MIOS: variants seen among roughly 807,000 people sequenced by gnomAD.
The protein encoded by MIOS is meiosis regulator for oocyte development.
MIOS carries 52 observed loss-of-function variants against 96.9 expected under a neutral mutation model. The observed-to-expected ratio is 0.54, with a 90% CI of 0.43 to 0.68. The LOEUF (loss-of-function observed/expected upper bound fraction) is 0.68, where lower values mean the gene tolerates loss of function less well. Among genes scored for constraint, MIOS ranks in the 30% least tolerant of loss-of-function variants. The probability of loss-of-function intolerance (pLI) is 0.00; values close to 1 mark genes in which losing one functional copy is unlikely to be tolerated. For synonymous variants in MIOS, 397 were observed against 359.5 expected (o/e 1.10, Z -1.18); for missense variants, 1,005 against 1,052.8 (o/e 0.95, Z 0.63).
chr7:7,584,869 A>G (rs1363547126), intron 6 of MIOS, among the ~76,000 whole-genome samples: 3 of 152,192 alleles, frequency 2.0e-5, no homozygotes, highest in Non-Finnish European at 4.4e-5. Context: ...ATGCATCTAA[A>G]CTGCTAAGAA....
intron 5 of MIOS, 134 bp downstream of exon 5, chr7:7,574,330 T>C: frequency 1.7e-6 from 1 of 590,454 alleles, no homozygotes; most frequent in Non-Finnish European, 2.9e-6. Flanking sequence ...TCTGATTGGA[T>C]ATTTCATTGT....
At chr7:7,578,391 G>A (rs984562406) in intron 5 of MIOS, among the ~76,000 whole-genome samples, 20 of 152,278 alleles carry the variant, frequency 1.3e-4, no homozygotes, top group African/African-American at 4.8e-4. Flanking sequence ...CATGCTTAAA[G>A]AGTAAACTCT....
rs899335283 is a variant in MIOS at position 7,608,576 on chromosome 7, A to G, written c.*1484A>G. 2 of 151,922 alleles carry G rather than the reference A, an allele frequency of 1.3e-5. No individual in the cohort carries two copies. Among genetic ancestry groups the G allele is most frequent in the Non-Finnish European group, 2.9e-5 (2 of 67,894 alleles). The allele number at this position is 151,922 out of a possible 1,614,324, so 9.4% of individuals were successfully genotyped here. A position where few individuals can be genotyped will look rare whatever the true frequency, so the allele number is the denominator to read the frequency against. On this transcript the variant is annotated 3_prime_UTR_variant, in exon 13 of 13. Transcript: ENST00000340080. ...TGGTAATTGCAATTTTTTTTTAAAG[A>G]TTGCTATTAAGGGTACTTTTTCCAG...
intron 1 of MIOS, chr7:7,567,323 C>T (rs1416886983): frequency 1.3e-5 from 2 of 152,038 alleles, no homozygotes; most frequent in Non-Finnish European, 2.9e-5. Flanking sequence ...TTCGCCGCGG[C>T]GGGCTTGTGG....
intron 11 of MIOS, among the ~76,000 whole-genome samples, chr7:7,597,361 T>A (rs1415153744): frequency 6.8e-6 from 1 of 147,246 alleles, no homozygotes; most frequent in Admixed American, 6.7e-5. Context: ...AATTAAAAAA[T>A]AATAATAAAT....
chr7:7,603,477 G>A (rs1185481158), intron 11 of MIOS, among the ~76,000 whole-genome samples: 1 of 149,166 alleles, frequency 6.7e-6, no homozygotes, highest in East Asian at 1.9e-4. Context: ...ATCATCACTG[G>A]CCATCAGAGA....
intron 12 of MIOS, 105 bp downstream of exon 12, chr7:7,606,176 A>C: frequency 1.4e-6 from 2 of 1,403,142 alleles, no homozygotes; most frequent in South Asian, 1.5e-5. Context: ...CAAAGTATGA[A>C]TTTTATTTTT....
At chr7:7,579,389 C>G (rs1783640022) in intron 5 of MIOS, among the ~76,000 whole-genome samples, 1 of 152,182 alleles carries the variant, frequency 6.6e-6, no homozygotes. Flanking sequence ...CATTTTCAGT[C>G]ATCTACTGCA....
In MIOS at chr7:7,579,176, A is replaced by G. The variant is rs1323440259; in HGVS notation, c.1394-3942A>G. ...TATATTTTACTTCGTTTTCAGAGAT[A>G]TATTAAAAATTTATATGTAAAACTC... On this transcript the variant is annotated intron_variant, in intron 5 of 12. Transcript: ENST00000340080. Among the ~76,000 whole-genome samples the G allele has an allele frequency of 3.9e-5, 6 of 152,218 alleles. No homozygotes were observed. In the South Asian group the frequency reaches 1.0e-3, roughly 26 times the overall value.
chr7:7,603,324 A>C (rs1033807135), intron 11 of MIOS, among the ~76,000 whole-genome samples: 1 of 152,024 alleles, frequency 6.6e-6, no homozygotes, highest in African/African-American at 2.4e-5. Flanking sequence ...CATCTGACAA[A>C]GGGCTAATAT....
chr7:7,598,202 G>C (rs1367769249), intron 11 of MIOS, among the ~76,000 whole-genome samples: 1 of 152,184 alleles, frequency 6.6e-6, no homozygotes, highest in Non-Finnish European at 1.5e-5. Flanking sequence ...CAGAATGTCT[G>C]TTTTAATTCT....
chr7:7,590,473 T>C (rs1350570760), intron 9 of MIOS, among the ~76,000 whole-genome samples: 1 of 152,262 alleles, frequency 6.6e-6, no homozygotes, highest in African/African-American at 2.4e-5. Context: ...TTATAAAATA[T>C]ATTTAAAATG....
At chr7:7,605,663 A>T (rs1338746675) in intron 11 of MIOS, 1 of 253,748 alleles carries the variant, frequency 3.9e-6, no homozygotes. Flanking sequence ...TTGTGGAAAG[A>T]TTTTAAACTA....
In MIOS at chr7:7,573,647, C is replaced by T; in HGVS notation, c.1172C>T (p.Ala391Val). Residue 391 changes from alanine to valine, a missense_variant, in exon 4 of 13, where the codon GCA (alanine) becomes GTA (valine). Physicochemically the swap from Ala to Val is moderately conservative, Grantham distance 64. Around this residue, in one of 3 missense-constraint regions of MIOS, gnomAD observed 865 missense variants for 887.9 expected, o/e 0.97. Coordinates refer to ENST00000340080, the MANE Select transcript of MIOS (RefSeq NM_019005.4). This position sits in a 1 kb window ranked among gnomAD's most constrained non-coding sequence, Gnocchi z 5.0. ...GATAATTCTTTAGAAAAAGATATAG[C>T]AACGAAGATGCGTCTTCGGGCTTTA... ...ENDNSLEKDI[A>V]TKMRLRALSR... The T allele has an allele frequency of 6.2e-7, 1 of 1,613,942 alleles. No individual in the cohort carries two copies. The highest frequency in any genetic ancestry group is 8.5e-7 in the Non-Finnish European group (1 of 1,179,906).
intron 5 of MIOS, among the ~76,000 whole-genome samples, chr7:7,581,131 G>C (rs193114769): frequency 9.0e-4 from 136 of 150,406 alleles, no homozygotes; most frequent in African/African-American, 3.3e-3. Context: ...AGAACAGCCC[G>C]GCCAACATGG....
At chr7:7,593,612 G>A (rs1220619056) in intron 9 of MIOS, among the ~76,000 whole-genome samples, 38 of 151,988 alleles carry the variant, frequency 2.5e-4, no homozygotes, top group Non-Finnish European at 4.4e-4. Flanking sequence ...AACCTAAAGC[G>A]GCCGGGCACG....
Position 7,573,736 on chromosome 7 carries a change from C to T in MIOS, c.1261C>T (p.Pro421Ser). 6.2e-7 allele frequency: 1 copy of T among 1,610,864 alleles called. No individual in the cohort carries two copies. The highest frequency in any genetic ancestry group is 1.7e-5 in the Admixed American group (1 of 59,734). The change falls in exon 4 of 13, where the codon CCA becomes TCA. Residue 421 changes from proline (P) to serine (S), a missense_variant. By Grantham distance (74) the Pro-to-Ser change is moderately conservative. Around this residue, in one of 3 missense-constraint regions of MIOS, gnomAD observed 865 missense variants for 887.9 expected, o/e 0.97. Transcript: ENST00000340080. This position sits in a 1 kb window ranked among gnomAD's most constrained non-coding sequence, Gnocchi z 5.0. ...CCACATTTTAGCTGGAAATGAAGAT[C>T]CACAGCTCAAGTCACTCTGGTATAC... ...RNHILAGNED[P>S]QLKSLWYTLH...
At chr7:7,577,986 C>T (rs1392306097) in intron 5 of MIOS, among the ~76,000 whole-genome samples, 5 of 152,002 alleles carry the variant, frequency 3.3e-5, no homozygotes, top group Non-Finnish European at 7.4e-5. Context: ...CAGGATAAGA[C>T]TGATAAGTAA....
Position 7,596,248 on chromosome 7 carries a change from G to A in MIOS, c.2197-9G>A. The A allele has an allele frequency of 1.2e-6, 2 of 1,611,454 alleles. No homozygotes were observed. The highest frequency in any genetic ancestry group is 2.2e-5 in the East Asian group (1 of 44,796). On this transcript the variant is annotated splice_polypyrimidine_tract_variant and intron_variant, in intron 10 of 12. Coordinates refer to ENST00000340080, the MANE Select transcript of MIOS (RefSeq NM_019005.4). The stretch of plus-strand genomic sequence containing the variant: ...ATTACATTTATTTTTTCTTTCATTT[G>A]TTTTGTAGGTTTTTGTGAGTTGCAA...
Sources: gnomAD v4.1 joint callset for allele counts (sites outside exome capture counted in the v4.1 genomes callset) on GRCh38, gnomAD v4.1.1 for gene constraint, gnomAD v4.1.1 regional missense constraint, Gnocchi (gnomAD v3.1) non-coding constraint, MANE v1.5 for transcripts, NCBI Gene and HGNC (gene_info 2026-07-23, HGNC 2026-07-21) for gene names.